CABCOCO1: variants seen among roughly 807,000 people sequenced by gnomAD.
CABCOCO1 encodes ciliary associated calcium binding coiled-coil 1.
In CABCOCO1, 28 loss-of-function variants were observed where a neutral mutation model predicts 35.7. That is an observed-to-expected ratio of 0.78 (90% CI 0.58 to 1.07). The LOEUF is 1.07. CABCOCO1 is among the 50% of genes least tolerant of loss of function. The probability of loss-of-function intolerance (pLI) is 0.00; values close to 1 mark genes in which losing one functional copy is unlikely to be tolerated. For synonymous variants in CABCOCO1, 95 were observed against 100.1 expected (o/e 0.95, Z 0.30); for missense variants, 326 against 309.2 (o/e 1.05, Z -0.41).
rs78704372 is a variant in CABCOCO1, at chr10:61,682,496, C to T, written c.334+1184C>T. ...CTAGGTAGCAGTAGACTCCTGAGCA[C>T]GTAGCCAGGTCCATAGACCTAGATG... On this transcript the variant is annotated intron_variant, in intron 3 of 7. Transcript: ENST00000648843. Among the ~76,000 whole-genome samples the T allele has an allele frequency of 2.9e-3, 438 of 152,230 alleles. 2 individuals carry two copies. The highest frequency in any genetic ancestry group is 9.9e-3 in the African/African-American group (413 of 41,530).
intron 3 of CABCOCO1, among the ~76,000 whole-genome samples, chr10:61,682,889 C>CTTTTTTTTTTTTTTTTTT (rs71018993): frequency 7.8e-6 from 1 of 128,182 alleles, no homozygotes. Flanking sequence ...ACATGAATTT[C>CTTTTTTTTTTTTTTTTTT]TTTTTTTTTT....
At chr10:61,765,825 G>A in intron 7 of CABCOCO1, 114 bp from the exon 8 acceptor site, 1 of 864,000 alleles carries the variant, frequency 1.2e-6, no homozygotes, top group Non-Finnish European at 1.8e-6. Context: ...AAACAGGAAG[G>A]TGTGTGAGGG....
chr10:61,680,750 G>T (rs555371263), intron 2 of CABCOCO1, among the ~76,000 whole-genome samples: 1 of 91,208 alleles, frequency 1.1e-5, no homozygotes, highest in Admixed American at 1.4e-4. Flanking sequence ...ATATATCTCA[G>T]AATATTTAAC....
intron 7 of CABCOCO1, among the ~76,000 whole-genome samples, chr10:61,762,238 G>GA: frequency 6.6e-6 from 1 of 152,176 alleles, no homozygotes; most frequent in Non-Finnish European, 1.5e-5. Flanking sequence ...CCAAAAAATT[G>GA]AAAACGTCTT....
At chr10:61,681,999 A>C (rs898163381) in intron 3 of CABCOCO1, among the ~76,000 whole-genome samples, 4 of 152,172 alleles carry the variant, frequency 2.6e-5, no homozygotes, top group African/African-American at 9.7e-5. Context: ...CACTTATGCA[A>C]AAATTAAATT....
rs370094095 is a variant in CABCOCO1, at chr10:61,765,984, G to A, written c.862G>A (p.Ala288Thr). The change falls in exon 8 of 8, where the codon GCA becomes ACA. Residue 288 changes from alanine to threonine, a missense_variant. Transcript: ENST00000648843. ...KLQIQEEAFNARIEKLKKA is the reference protein window; with the variant it reads ...KLQIQEEAFNTRIEKLKKA Reference sequence around the variant, plus strand: ...GCAAATACAGGAAGAGGCCTTTAATGCACGAATAGAAAAATTGAAAAAGGC... The same window carrying A: ...GCAAATACAGGAAGAGGCCTTTAATACACGAATAGAAAAATTGAAAAAGGC... 1.2e-6 allele frequency: 2 copies of A among 1,613,380 alleles called. No individual in the cohort carries two copies.
At chr10:61,755,917 A>G (rs1181844662) in intron 5 of CABCOCO1, among the ~76,000 whole-genome samples, 1 of 152,034 alleles carries the variant, frequency 6.6e-6, no homozygotes, top group African/African-American at 2.4e-5. Context: ...AATTCCTATA[A>G]GCATGTTTTT....
At chr10:61,714,605 G>A (rs1247813033) in intron 5 of CABCOCO1, among the ~76,000 whole-genome samples, 1 of 152,048 alleles carries the variant, frequency 6.6e-6, no homozygotes, top group East Asian at 1.9e-4. Flanking sequence ...TGTGATGTTA[G>A]GGTGTCAATT....
At chr10:61,725,974 C>T (rs1337238332) in intron 5 of CABCOCO1, among the ~76,000 whole-genome samples, 9 of 152,128 alleles carry the variant, frequency 5.9e-5, no homozygotes, top group Non-Finnish European at 4.4e-5. Flanking sequence ...TAATATGACA[C>T]TGTTCCTCCT....
chr10:61,720,589 A>T (rs1677845426), intron 5 of CABCOCO1, among the ~76,000 whole-genome samples: 2 of 152,224 alleles, frequency 1.3e-5, no homozygotes, highest in African/African-American at 4.8e-5. Flanking sequence ...ATGGTAGAGG[A>T]TTATTAAATT....
intron 3 of CABCOCO1, 27 bp from the exon 4 acceptor site, chr10:61,686,014 T>C: frequency 1.3e-6 from 2 of 1,567,546 alleles, no homozygotes; most frequent in Non-Finnish European, 1.7e-6. Flanking sequence ...AAAATAATAA[T>C]TAAGATTTCT....
chr10:61,703,316 G>T (rs141189771), intron 5 of CABCOCO1, among the ~76,000 whole-genome samples: 209 of 149,572 alleles, frequency 1.4e-3, no homozygotes, highest in African/African-American at 5.0e-3. Flanking sequence ...ATTATTCAAG[G>T]AATTTTTTTC....
At chr10:61,758,482 C>CTGATA (rs1283955737) in intron 5 of CABCOCO1, among the ~76,000 whole-genome samples, 3 of 152,058 alleles carry the variant, frequency 2.0e-5, no homozygotes, top group Non-Finnish European at 4.4e-5. Flanking sequence ...AAGAACTGTT[C>CTGATA]TGATATGTTT....
chr10:61,674,637 C>T (rs1839455426), intron 2 of CABCOCO1, among the ~76,000 whole-genome samples: 3 of 152,090 alleles, frequency 2.0e-5, no homozygotes, highest in Admixed American at 1.3e-4. Flanking sequence ...ATCATAGAGT[C>T]TACAAAGTTA....
intron 5 of CABCOCO1, among the ~76,000 whole-genome samples, chr10:61,700,446 A>G (rs377192580): frequency 8.5e-4 from 130 of 152,262 alleles, no homozygotes; most frequent in African/African-American, 2.1e-3. Flanking sequence ...CACCCTTTAC[A>G]GTACTCAAAG....
chr10:61,690,773 A>G (rs1041131751), intron 5 of CABCOCO1, 152 bp downstream of exon 5: 1 of 530,898 alleles, frequency 1.9e-6, no homozygotes, highest in Non-Finnish European at 3.3e-6. Context: ...GAATAATTAT[A>G]TAAAGTGATC....
chr10:61,752,455 A>G (rs1036449641), intron 5 of CABCOCO1, among the ~76,000 whole-genome samples: 1 of 152,134 alleles, frequency 6.6e-6, no homozygotes, highest in East Asian at 1.9e-4. Flanking sequence ...GTAATAATTT[A>G]TGAGCCTACT....
At chr10:61,735,082 G>A (rs896719386) in intron 5 of CABCOCO1, among the ~76,000 whole-genome samples, 2 of 152,036 alleles carry the variant, frequency 1.3e-5, no homozygotes, top group African/African-American at 2.4e-5. Context: ...ATTAATGAGC[G>A]AAGGTGATAT....
Position 61,737,795 on chromosome 10 carries a change from G to A in CABCOCO1, c.553-22264G>A, listed in dbSNP as rs184858997. 5.9e-5 allele frequency among the ~76,000 whole-genome samples: 9 copies of A among 152,074 alleles called. No homozygotes were observed. In the East Asian group the frequency reaches 1.7e-3, roughly 29 times the overall value. On this transcript the variant is annotated intron_variant, in intron 5 of 7. Coordinates refer to ENST00000648843, the MANE Select transcript of CABCOCO1 (RefSeq NM_001366906.2). ...CGAAGGAGGAAACAACAGACACTGG[G>A]GTCTACTTGAAGCAGGAGGGTGGGA...
Sources: allele counts gnomAD v4.1 joint callset (sites outside exome capture counted in the v4.1 genomes callset), GRCh38; gene constraint gnomAD v4.1.1; transcripts MANE v1.5; gene names NCBI Gene and HGNC (gene_info 2026-07-23, HGNC 2026-07-21).